The following MLXIPL variants were observed in gnomAD, a reference collection of about 807,000 sequenced individuals.
The protein encoded by MLXIPL is MLX interacting protein like, also known as carbohydrate-responsive element-binding protein.
MLXIPL carries 49 observed loss-of-function variants against 81.5 expected under a neutral mutation model. The observed-to-expected ratio is 0.60, with a 90% CI of 0.48 to 0.76. The LOEUF is 0.76. Among genes scored for constraint, MLXIPL ranks in the 30% least tolerant of loss-of-function variants. The probability of loss-of-function intolerance (pLI) is 0.00; values close to 1 mark genes in which losing one functional copy is unlikely to be tolerated. For missense variants in MLXIPL, 1,053 were observed against 1,167.0 expected, an observed-to-expected ratio of 0.90 and a Z score of 1.42; for synonymous variants, 466 against 485.5, an observed-to-expected ratio of 0.96 and a Z score of 0.53.
chr7:73,616,224 C>T (rs991446054), intron 1 of MLXIPL, 47 bp from the exon 2 acceptor site: 1 of 1,490,486 alleles, frequency 6.7e-7, no homozygotes, highest in African/African-American at 1.4e-5. Flanking sequence ...AGTGCTGCCA[C>T]AGAGGCTGGT....
At chr7:73,615,057 G>C (rs779479384) in intron 2 of MLXIPL, among the ~76,000 whole-genome samples, 1 of 152,080 alleles carries the variant, frequency 6.6e-6, no homozygotes, top group Non-Finnish European at 1.5e-5. Context: ...TGATCTGCCC[G>C]CCTTGGCCTT....
At chr7:73,625,280 A>G (rs1237122543), upstream of MLXIPL, among the ~76,000 whole-genome samples, 14 of 152,106 alleles carry the variant, frequency 9.2e-5, no homozygotes, top group African/African-American at 3.4e-4. Context: ...GCCAGAGATC[A>G]CCATCTCCCC....
At position 73,624,498 on chromosome 7, in the gene MLXIPL, T is replaced by A; in HGVS notation, c.-6A>T. 6.6e-7 allele frequency: 1 copy of A among 1,523,770 alleles called. No individual in the cohort carries two copies. The highest frequency in any genetic ancestry group is 2.0e-5 in the Admixed American group (1 of 50,138). 94.4% of individuals were successfully genotyped at this position (1,523,770 alleles called of 1,614,324 possible). ...CCTGCCAGCGCGCCGGCCATGGCTGTCGCCGCCGCAACCGCCTGGTCCCTG... is the reference window on the plus strand; with the variant it reads ...CCTGCCAGCGCGCCGGCCATGGCTGACGCCGCCGCAACCGCCTGGTCCCTG... On this transcript the variant is annotated 5_prime_UTR_variant, in exon 1 of 17. Coordinates refer to ENST00000313375, the MANE Select transcript of MLXIPL (RefSeq NM_032951.3).
chr7:73,643,431 G>A, the MLXIPL span, among the ~76,000 whole-genome samples: 22 of 151,686 alleles, frequency 1.5e-4, 1 homozygote, highest in South Asian at 1.7e-3. Context: ...GGAGAATGGC[G>A]TGAACCCGGG....
intron 7 of MLXIPL, among the ~76,000 whole-genome samples, chr7:73,602,099 C>G (rs1554596459): frequency 7.7e-6 from 1 of 129,954 alleles, no homozygotes; most frequent in African/African-American, 3.1e-5. Context: ...TGCCTGCCTT[C>G]CTGCCTGCCT....
upstream of MLXIPL, among the ~76,000 whole-genome samples, chr7:73,626,690 G>C (rs1375678723): frequency 6.6e-6 from 1 of 152,152 alleles, no homozygotes; most frequent in African/African-American, 2.4e-5. Flanking sequence ...ACACACCCAA[G>C]CATCTCTGAG....
At chr7:73,625,621 C>T (rs7811295), upstream of MLXIPL, among the ~76,000 whole-genome samples, 6,193 of 151,842 alleles carry the variant, frequency 0.041, 478 homozygotes, top group African/African-American at 0.14. Flanking sequence ...CCGGATGTGA[C>T]GATGCGTGCT....
intron 2 of MLXIPL, among the ~76,000 whole-genome samples, chr7:73,611,741 G>A (rs1172207272): frequency 3.3e-5 from 5 of 151,604 alleles, no homozygotes; most frequent in African/African-American, 7.3e-5. Context: ...GCTTGAACCC[G>A]GGAGGCAGAG....
At chr7:73,602,387 C>T (rs1794950267) in intron 7 of MLXIPL, among the ~76,000 whole-genome samples, 1 of 151,204 alleles carries the variant, frequency 6.6e-6, no homozygotes, top group Non-Finnish European at 1.5e-5. Flanking sequence ...AAAGGGGGAC[C>T]AGGCCAGGCG....
chr7:73,594,689 C>T (rs1307801979), intron 15 of MLXIPL, among the ~76,000 whole-genome samples: 1 of 151,892 alleles, frequency 6.6e-6, no homozygotes, highest in Non-Finnish European at 1.5e-5. Context: ...GCTGGGATTA[C>T]AGGTGTGCGC....
rs71082239 is a variant in MLXIPL, at chr7:73,615,912, CA to C, written c.400+158del. 4.7e-3 allele frequency among the ~76,000 whole-genome samples: 250 copies of C among 53,252 alleles called. 1 individual carries two copies. Among genetic ancestry groups the C allele is most frequent in the African/African-American group, 5.6e-3 (94 of 16,698 alleles). 34.9% of individuals were successfully genotyped at this position (53,252 alleles called of 152,430 possible). On this transcript the variant is annotated intron_variant, in intron 2 of 16. Coordinates refer to ENST00000313375, the MANE Select transcript of MLXIPL (RefSeq NM_032951.3). ...TGGGCAACAGAGCAAGACTGTGTCT[CA>C]AAAAAAAAAAAAAAAAAAAAAGGTT...
At chr7:73,617,183 T>A (rs1388484939) in intron 1 of MLXIPL, among the ~76,000 whole-genome samples, 1 of 151,996 alleles carries the variant, frequency 6.6e-6, no homozygotes, top group African/African-American at 2.4e-5. Context: ...GTTCAGCTAA[T>A]TTTTTTGGTA....
At chr7:73,642,377 A>C in the MLXIPL span, among the ~76,000 whole-genome samples, 8 of 151,988 alleles carry the variant, frequency 5.3e-5, no homozygotes, top group African/African-American at 1.9e-4. Flanking sequence ...TGTGTGATAG[A>C]GTCTCACTCT....
chr7:73,606,160 G>A (rs992549728), intron 5 of MLXIPL, 49 bp from the exon 6 acceptor site: 61 of 1,532,086 alleles, frequency 4.0e-5, no homozygotes, highest in Admixed American at 7.8e-5. Context: ...CCACTGCCCC[G>A]ATCTTCCATA....
chr7:73,613,991 GC>G (rs1359253503), intron 2 of MLXIPL, among the ~76,000 whole-genome samples: 1 of 152,152 alleles, frequency 6.6e-6, no homozygotes, highest in African/African-American at 2.4e-5. Flanking sequence ...ACAAAATTTG[GC>G]GGGTGCCTGT....
intron 9 of MLXIPL, 64 bp downstream of exon 9, chr7:73,597,118 C>T: frequency 2.6e-6 from 4 of 1,517,264 alleles, no homozygotes; most frequent in East Asian, 4.8e-5. Flanking sequence ...TCCCAAAACC[C>T]CCTGTCCTCC....
the MLXIPL span, among the ~76,000 whole-genome samples, chr7:73,633,707 G>C: frequency 6.6e-6 from 1 of 152,136 alleles, no homozygotes; most frequent in African/African-American, 2.4e-5. Flanking sequence ...TCCTGCCTCA[G>C]CCTCCCAAAG....
At position 73,607,751 on chromosome 7, in the gene MLXIPL, C is replaced by T. The variant is rs547646278; in HGVS notation, c.401-79G>A. The T allele has an allele frequency of 2.3e-6, 3 of 1,282,304 alleles. No homozygotes were observed. In the South Asian group the frequency reaches 3.8e-5, roughly 16 times the overall value. The allele number at this position is 1,282,304 out of a possible 1,614,324, so 79.4% of individuals were successfully genotyped here. On this transcript the variant is annotated intron_variant, in intron 2 of 16. Transcript: ENST00000313375. ...CCCCAGGGGACTGGGACTCAAGTGA[C>T]ACCCTGCGAAATCCTGCTTGGCCTT...
Position 73,593,909 on chromosome 7 carries a change from C to T in MLXIPL, c.2515G>A (p.Ala839Thr). Reference protein sequence around the residue: ...LTDPGRIPEQATRAVTEGTLG... With the variant: ...LTDPGRIPEQTTRAVTEGTLG... ...GTGCCCTCTGTGACTGCCCGTGTGG[C>T]TTGCTCAGGGATGCGGCCCGGGTCG... The change falls in exon 17 of 17, where the codon GCC becomes ACC. Residue 839 changes from alanine to threonine, a missense_variant. Physicochemically the swap from Ala to Thr is moderately conservative, Grantham distance 58. Coordinates refer to ENST00000313375, the MANE Select transcript of MLXIPL (RefSeq NM_032951.3). The T allele has an allele frequency of 6.2e-7, 1 of 1,614,132 alleles. No individual in the cohort carries two copies. Among genetic ancestry groups the T allele is most frequent in the Non-Finnish European group, 8.5e-7 (1 of 1,180,026 alleles).
Sources: gnomAD v4.1 joint callset for allele counts (sites outside exome capture counted in the v4.1 genomes callset) on GRCh38, gnomAD v4.1.1 for gene constraint, MANE v1.5 for transcripts, NCBI Gene and HGNC (gene_info 2026-07-23, HGNC 2026-07-21) for gene names.